IQCH: variants seen among roughly 807,000 people sequenced by gnomAD.
The protein encoded by IQCH is IQ domain-containing protein H.
In IQCH, 98 loss-of-function variants were observed where a neutral mutation model predicts 117.0. That is an observed-to-expected ratio of 0.84 (90% CI 0.71 to 0.99). The LOEUF (loss-of-function observed/expected upper bound fraction) is 0.99. Ranked by LOEUF, IQCH falls within the 50% of genes least tolerant of loss-of-function variation. The probability of loss-of-function intolerance (pLI) is 0.00; values close to 1 mark genes in which losing one functional copy is unlikely to be tolerated. For missense variants in IQCH, 1,102 were observed against 1,243.8 expected (o/e 0.89, Z 1.72); for synonymous variants, 412 against 448.2 (o/e 0.92, Z 1.02).
chr15:67,488,181 G>A (rs553005561), intron 18 of IQCH, among the ~76,000 whole-genome samples: 1 of 152,200 alleles, frequency 6.6e-6, no homozygotes, highest in Admixed American at 6.5e-5. Flanking sequence ...AGCTGGGTGT[G>A]GTGGCACATG....
chr15:67,372,189 G>A lies in IQCH; in HGVS notation c.832G>A (p.Asp278Asn). 1 of 1,614,060 alleles carries A rather than the reference G, an allele frequency of 6.2e-7. No individual in the cohort carries two copies. Among genetic ancestry groups the A allele is most frequent in the Non-Finnish European group, 8.5e-7 (1 of 1,179,974 alleles). The change falls in exon 9 of 21, where the codon GAC becomes AAC. Residue 278 changes from aspartate to asparagine, a missense_variant. By Grantham distance (23) the Asp-to-Asn change is conservative (BLOSUM62 1). This residue lies in a region of IQCH where 452 missense variants were observed against 449.6 expected (regional missense o/e 1.01). Transcript: ENST00000335894. Reference protein sequence around the residue: ...YDFLIYDGVIDNTAPDFLAFK... With the variant: ...YDFLIYDGVINNTAPDFLAFK... Reference sequence around the variant, plus strand: ...CTTTTTAATTTATGATGGTGTCATAGACAATACAGCCCCAGACTTCTTAGC... The same window carrying A: ...CTTTTTAATTTATGATGGTGTCATAAACAATACAGCCCCAGACTTCTTAGC...
chr15:67,445,658 C>G lies in IQCH; in HGVS notation c.2506-19469C>G, dbSNP rs536622034. ...TTCACCATGTTGGCCAGGCTGGTCT[C>G]GAACTCCTGACCTGGTGATCCATCT... On this transcript the variant is annotated intron_variant, in intron 16 of 20. Coordinates refer to ENST00000335894, the MANE Select transcript of IQCH (RefSeq NM_001031715.3). This position sits in a 1 kb window ranked among gnomAD's most constrained non-coding sequence, Gnocchi z 4.3. Among the ~76,000 whole-genome samples, 534 of 152,268 alleles carry G rather than the reference C, an allele frequency of 3.5e-3. 5 individuals are homozygous for G. Among genetic ancestry groups the G allele is most frequent in the African/African-American group, 0.012 (503 of 41,552 alleles).
chr15:67,402,956 A>G (rs1971723782), intron 14 of IQCH, among the ~76,000 whole-genome samples: 1 of 152,212 alleles, frequency 6.6e-6, no homozygotes, highest in African/African-American at 2.4e-5. Context: ...TCTAATATAA[A>G]GATCATCTGG....
intron 16 of IQCH, among the ~76,000 whole-genome samples, chr15:67,460,841 C>T (rs2082773708): frequency 6.6e-6 from 1 of 152,190 alleles, no homozygotes. Context: ...CCAGCCCTAA[C>T]CTTCAGTGAT....
rs979282354 is a variant in IQCH, at chr15:67,347,799, C to CTA, written c.637+3621_637+3622dup. Among the ~76,000 whole-genome samples, 678 of 142,426 alleles carry CTA rather than the reference C, an allele frequency of 4.8e-3. 5 individuals are homozygous for CTA. The highest frequency in any genetic ancestry group is 0.016 in the African/African-American group (611 of 38,824). The allele number at this position is 142,426 out of a possible 152,430, so 93.4% of individuals were successfully genotyped here. The stretch of plus-strand genomic sequence containing the variant: ...TAGCAAATTGAATCTAGTGCTCTGT[C>CTA]TATATATATATATAGATATATATTT... On this transcript the variant is annotated intron_variant, in intron 6 of 20. Coordinates refer to ENST00000335894, the MANE Select transcript of IQCH (RefSeq NM_001031715.3).
intron 4 of IQCH, among the ~76,000 whole-genome samples, chr15:67,318,043 G>C (rs954049404): frequency 2.6e-5 from 4 of 152,126 alleles, no homozygotes; most frequent in African/African-American, 9.7e-5. Context: ...TTTTCTGATT[G>C]TAACACTTTT....
At chr15:67,294,100 G>A (rs1181554249) in intron 4 of IQCH, among the ~76,000 whole-genome samples, 1 of 152,084 alleles carries the variant, frequency 6.6e-6, no homozygotes, top group Non-Finnish European at 1.5e-5. Context: ...TAACCATTAA[G>A]GGCATCATCT....
In IQCH at chr15:67,337,110, A is replaced by C; in HGVS notation, c.508+15A>C. 1.2e-6 allele frequency: 2 copies of C among 1,612,804 alleles called. No homozygotes were observed. The highest frequency in any genetic ancestry group is 2.2e-5 in the South Asian group (2 of 90,946). On this transcript the variant is annotated intron_variant, in intron 5 of 20. Coordinates refer to ENST00000335894, the MANE Select transcript of IQCH (RefSeq NM_001031715.3). ...TGCCCACAAAGGTTAGTGATTCAAT[A>C]GCCATTTTACGTGTTTAGGAACGGA...
At chr15:67,409,316 A>T (rs2081383704) in intron 14 of IQCH, among the ~76,000 whole-genome samples, 1 of 152,184 alleles carries the variant, frequency 6.6e-6, no homozygotes, top group Non-Finnish European at 1.5e-5. Flanking sequence ...AACCCCCAGC[A>T]TGCAGCGCGC....
At chr15:67,375,936 A>T (rs1970722236) in intron 10 of IQCH, among the ~76,000 whole-genome samples, 1 of 151,740 alleles carries the variant, frequency 6.6e-6, no homozygotes, top group Non-Finnish European at 1.5e-5. Context: ...ATAGGCATGT[A>T]CCACCATGCC....
intron 6 of IQCH, among the ~76,000 whole-genome samples, chr15:67,351,165 T>C (rs887953633): frequency 6.6e-6 from 1 of 152,210 alleles, no homozygotes; most frequent in Non-Finnish European, 1.5e-5. Context: ...GGTGGTTTGC[T>C]GCACCTATCA....
At chr15:67,379,575 A>T (rs1970851575) in intron 10 of IQCH, among the ~76,000 whole-genome samples, 1 of 152,142 alleles carries the variant, frequency 6.6e-6, no homozygotes, top group Non-Finnish European at 1.5e-5. Context: ...TTTGAATTGT[A>T]ATCCCCACAT....
At chr15:67,352,998 T>G (rs1038700269) in intron 6 of IQCH, among the ~76,000 whole-genome samples, 7 of 152,038 alleles carry the variant, frequency 4.6e-5, no homozygotes, top group Admixed American at 2.6e-4. Flanking sequence ...ATACAAAAAT[T>G]AGCCAGGCGT....
intron 10 of IQCH, among the ~76,000 whole-genome samples, chr15:67,375,605 TAAC>T (rs1246025854): frequency 1.3e-5 from 2 of 152,128 alleles, no homozygotes; most frequent in Non-Finnish European, 2.9e-5. Context: ...TTTTGTTTGT[TAAC>T]AACATGATAC....
At chr15:67,489,916 T>C in intron 18 of IQCH, 87 bp from the exon 19 acceptor site, 1 of 920,646 alleles carries the variant, frequency 1.1e-6, no homozygotes, top group Non-Finnish European at 1.8e-6. Flanking sequence ...AAATCAATCT[T>C]AGTAGTCTTT....
intron 4 of IQCH, among the ~76,000 whole-genome samples, chr15:67,287,517 A>G (rs1966607231): frequency 6.6e-6 from 1 of 152,110 alleles, no homozygotes. Context: ...TATGTCTAGA[A>G]ATTTATACAT....
rs769952616 is a variant in IQCH at position 67,465,318 on chromosome 15, G to T, written c.2676+21G>T. 2.5e-6 allele frequency: 4 copies of T among 1,607,366 alleles called. No homozygotes were observed. In the African/African-American group the frequency reaches 4.0e-5, roughly 16 times the overall value. On this transcript the variant is annotated intron_variant, in intron 17 of 20. Coordinates refer to ENST00000335894, the MANE Select transcript of IQCH (RefSeq NM_001031715.3). The surrounding 1 kb of genome is among the most constrained non-coding windows in gnomAD (Gnocchi z 5.9). ...TGCCGGTAAGCAAGAGGTGCTTCCT[G>T]AAGGTTCTCGGTGTTCAGCAACACC...
At chr15:67,306,889 A>G in intron 4 of IQCH, 2 of 1,520,592 alleles carry the variant, frequency 1.3e-6, no homozygotes, top group Non-Finnish European at 1.8e-6. Flanking sequence ...TCCCTCACTG[A>G]CATCCAGTTC....
At chr15:67,398,816 C>G (rs963822231) in intron 13 of IQCH, among the ~76,000 whole-genome samples, 3 of 151,988 alleles carry the variant, frequency 2.0e-5, no homozygotes, top group Non-Finnish European at 2.9e-5. Context: ...AAAACCATAG[C>G]CAAGAACAGC....
Sources: gnomAD v4.1 joint callset for allele counts (sites outside exome capture counted in the v4.1 genomes callset) on GRCh38, gnomAD v4.1.1 for gene constraint, gnomAD v4.1.1 regional missense constraint, Gnocchi (gnomAD v3.1) non-coding constraint, MANE v1.5 for transcripts, NCBI Gene and HGNC (gene_info 2026-07-23, HGNC 2026-07-21) for gene names.